The following NWD2 variants were observed in gnomAD, a reference collection of about 807,000 sequenced individuals.
NWD2 encodes the protein NACHT and WD repeat domain containing 2, also known as NACHT and WD repeat domain-containing protein 2.
Under a neutral mutation model 132.7 loss-of-function variants are expected in NWD2, and 37 were observed. That is an observed-to-expected ratio of 0.28 (90% confidence interval 0.21 to 0.37). The LOEUF (loss-of-function observed/expected upper bound fraction) is 0.37. Among genes scored for constraint, NWD2 ranks in the 10% least tolerant of loss-of-function variants. NWD2 has a pLI of 1.00. For synonymous variants in NWD2, 705 were observed against 803.0 expected, an observed-to-expected ratio of 0.88 and a Z score of 2.06; for missense variants, 1,592 against 2,122.4, an observed-to-expected ratio of 0.75 and a Z score of 4.91.
intron 1 of NWD2, among the ~76,000 whole-genome samples, chr4:37,262,871 G>T (rs910636441): frequency 6.6e-6 from 1 of 152,066 alleles, no homozygotes; most frequent in Admixed American, 6.6e-5. Flanking sequence ...GATGGCACAG[G>T]GTGCTTCTTG....
At chr4:37,377,735 AAAAAG>A (rs1720373022) in intron 3 of NWD2, among the ~76,000 whole-genome samples, 2 of 152,252 alleles carry the variant, frequency 1.3e-5, no homozygotes, top group Non-Finnish European at 2.9e-5. Flanking sequence ...CCATCTCAAA[AAAAAG>A]AAAAGTTCAG....
chr4:37,377,629 G>A (rs1720371281), intron 3 of NWD2, among the ~76,000 whole-genome samples: 1 of 152,174 alleles, frequency 6.6e-6, no homozygotes, highest in Non-Finnish European at 1.5e-5. Context: ...AGCTACTCAG[G>A]AGGCTGAGGC....
At position 37,405,270 on chromosome 4, in the gene NWD2, G is replaced by A. The variant is rs893743288; in HGVS notation, c.358-25302G>A. Among the ~76,000 whole-genome samples, 5 of 152,134 alleles carry A rather than the reference G, an allele frequency of 3.3e-5. 1 individual carries two copies. Among genetic ancestry groups the A allele is most frequent in the Admixed American group, 2.6e-4 (4 of 15,274 alleles). The stretch of plus-strand genomic sequence containing the variant: ...CAGGGAGACAAATTATAAGAATGAA[G>A]CAATCTTGTGGAGAGCGACTCTAAA... On this transcript the variant is annotated intron_variant, in intron 3 of 6. Transcript: ENST00000309447.
chr4:37,430,647 G>T lies in NWD2; in HGVS notation c.433G>T (p.Asp145Tyr), dbSNP rs1201134593. The change falls in exon 4 of 7, where the codon GAT becomes TAT. Residue 145 changes from aspartate to tyrosine, a missense_variant. This residue lies in a region of NWD2 where 144 missense variants were observed against 185.7 expected (regional missense o/e 0.78). Coordinates refer to ENST00000309447, the MANE Select transcript of NWD2 (RefSeq NM_001144990.2). ...AGCCTCAGAGTTTGAAATGATTTTG[G>T]ATGCCGCCATAGAGGCAAAGCTGGA... ...VEASEFEMIL[D>Y]AAIEAKLETK... 6.4e-7 allele frequency: 1 copy of T among 1,551,516 alleles called. No individual in the cohort carries two copies. Among genetic ancestry groups the T allele is most frequent in the African/African-American group, 1.4e-5 (1 of 73,150 alleles).
At chr4:37,432,368 A>G (rs1386146106) in intron 4 of NWD2, among the ~76,000 whole-genome samples, 6 of 124,544 alleles carry the variant, frequency 4.8e-5, no homozygotes, top group African/African-American at 1.7e-4. Context: ...GAAGAAGAAA[A>G]AAAAAAAAAA....
chr4:37,446,227 C>T lies in NWD2; in HGVS notation c.4239C>T (p.Val1413=). 1 of 1,551,712 alleles carries T rather than the reference C, an allele frequency of 6.4e-7. No homozygotes were observed. The change falls in exon 7 of 7, where the codon GTC becomes GTT. Residue 1413 remains valine, a synonymous_variant. Transcript: ENST00000309447. This position sits in a 1 kb window ranked among gnomAD's most constrained non-coding sequence, Gnocchi z 6.7. ...LLITHNDQFV[V]SLCEENASRV... is the part of the protein sequence containing the mutation. ...TTACACACAATGACCAGTTTGTGGTCTCGCTCTGTGAGGAAAATGCCTCCA... is the reference window on the plus strand; with the variant it reads ...TTACACACAATGACCAGTTTGTGGTTTCGCTCTGTGAGGAAAATGCCTCCA...
rs749599296 is a variant in NWD2 at position 37,444,545 on chromosome 4, G to A, written c.2557G>A (p.Gly853Ser). Residue 853 changes from glycine (G) to serine (S), a missense_variant, in exon 7 of 7, where the codon GGC becomes AGC. Physicochemically the swap from Gly to Ser is moderately conservative, Grantham distance 56. Transcript: ENST00000309447. The surrounding 1 kb of genome is among the most constrained non-coding windows in gnomAD (Gnocchi z 4.8). ...TGGAAAAACCGATGACCTGCTTTAC[G>A]GCATCATCATGAACTTCAGCTGGCT... ...RCGKTDDLLY[G>S]IIMNFSWLYT... 25 of 1,551,716 alleles carry A rather than the reference G, an allele frequency of 1.6e-5. No homozygotes were observed. The highest frequency in any genetic ancestry group is 9.5e-5 in the South Asian group (8 of 84,040).
At chr4:37,339,390 CT>C (rs1159018794) in intron 2 of NWD2, among the ~76,000 whole-genome samples, 2 of 152,182 alleles carry the variant, frequency 1.3e-5, no homozygotes, top group Non-Finnish European at 2.9e-5. Context: ...TCTTCCTTTA[CT>C]TTGTACTCAT....
At chr4:37,380,028 C>T (rs1363452894) in intron 3 of NWD2, among the ~76,000 whole-genome samples, 2 of 152,220 alleles carry the variant, frequency 1.3e-5, no homozygotes, top group Admixed American at 1.3e-4. Context: ...ATGTTCATCT[C>T]TAAAATAAGA....
chr4:37,354,745 C>A (rs1483367243), intron 2 of NWD2, among the ~76,000 whole-genome samples: 1 of 152,132 alleles, frequency 6.6e-6, no homozygotes, highest in Non-Finnish European at 1.5e-5. Context: ...TGGAAAAGTT[C>A]ATCTTTTGTA....
chr4:37,264,888 T>C (rs1259340274), intron 1 of NWD2, among the ~76,000 whole-genome samples: 1 of 152,180 alleles, frequency 6.6e-6, no homozygotes, highest in East Asian at 1.9e-4. Flanking sequence ...TAGAGTCTGC[T>C]TCTGGCATAA....
chr4:37,262,167 G>T (rs772469403), intron 1 of NWD2, among the ~76,000 whole-genome samples: 27 of 152,196 alleles, frequency 1.8e-4, no homozygotes, highest in Admixed American at 6.5e-4. Context: ...CAAGGAACTC[G>T]TGGAAGCTGG....
intron 1 of NWD2, among the ~76,000 whole-genome samples, chr4:37,266,407 C>G (rs143549021): frequency 9.9e-4 from 151 of 152,178 alleles, no homozygotes; most frequent in African/African-American, 3.5e-3. Context: ...GCTCTTCTAA[C>G]TTTGGCAGTA....
At chr4:37,405,586 TGG>T (rs1207013217) in intron 3 of NWD2, among the ~76,000 whole-genome samples, 1 of 152,230 alleles carries the variant, frequency 6.6e-6, no homozygotes, top group Non-Finnish European at 1.5e-5. Flanking sequence ...TCTATAGGTC[TGG>T]GGTGACAACT....
At chr4:37,441,136 C>G (rs978024711) in intron 6 of NWD2, among the ~76,000 whole-genome samples, 1 of 152,192 alleles carries the variant, frequency 6.6e-6, no homozygotes, top group Non-Finnish European at 1.5e-5. Context: ...CTTAATCTAT[C>G]AAGCCCAGCT....
chr4:37,293,972 A>G (rs112878943), intron 1 of NWD2, among the ~76,000 whole-genome samples: 61 of 152,298 alleles, frequency 4.0e-4, no homozygotes, highest in African/African-American at 1.4e-3. Flanking sequence ...AGTAAAAAGC[A>G]TAATTAAAGC....
intron 3 of NWD2, among the ~76,000 whole-genome samples, chr4:37,429,014 G>A (rs1044891763): frequency 6.6e-6 from 1 of 152,044 alleles, no homozygotes; most frequent in Non-Finnish European, 1.5e-5. Flanking sequence ...TCACAAGTGT[G>A]AGCCACCAGG....
chr4:37,421,845 A>C (rs1711817863), intron 3 of NWD2, among the ~76,000 whole-genome samples: 1 of 151,884 alleles, frequency 6.6e-6, no homozygotes, highest in South Asian at 2.1e-4. Flanking sequence ...TAAACAACAG[A>C]ATTTTTTTTT....
At chr4:37,250,564 C>T (rs1451128702) in intron 1 of NWD2, among the ~76,000 whole-genome samples, 1 of 152,132 alleles carries the variant, frequency 6.6e-6, no homozygotes. Context: ...TAGGACAGTG[C>T]TGGGCATGTA....
Sources: gnomAD v4.1 joint callset for allele counts (sites outside exome capture counted in the v4.1 genomes callset) on GRCh38, gnomAD v4.1.1 for gene constraint, gnomAD v4.1.1 regional missense constraint, Gnocchi (gnomAD v3.1) non-coding constraint, MANE v1.5 for transcripts, NCBI Gene and HGNC (gene_info 2026-07-23, HGNC 2026-07-21) for gene names.